AGBL4: variants seen among roughly 807,000 people sequenced by gnomAD.
The protein encoded by AGBL4 is AGBL carboxypeptidase 4.
In AGBL4, 58 loss-of-function variants were observed where a neutral mutation model predicts 66.4. The observed-to-expected ratio is 0.87, with a 90% CI of 0.71 to 1.09. The LOEUF (loss-of-function observed/expected upper bound fraction) is 1.09, where lower values mean the gene tolerates loss of function less well. Among genes scored for constraint, AGBL4 ranks in the 50% least tolerant of loss-of-function variants. The pLI is 0.00. For synonymous variants in AGBL4, 234 were observed against 222.9 expected (o/e 1.05, Z -0.44); for missense variants, 579 against 631.0 (o/e 0.92, Z 0.88).
intron 5 of AGBL4, among the ~76,000 whole-genome samples, chr1:48,942,989 A>G (rs930899121): frequency 6.6e-6 from 1 of 152,224 alleles, no homozygotes; most frequent in African/African-American, 2.4e-5. Flanking sequence ...ATTTTAAGCA[A>G]ATTATCTAAT....
At chr1:49,385,618 T>C (rs553507966) in intron 3 of AGBL4, among the ~76,000 whole-genome samples, 1 of 152,068 alleles carries the variant, frequency 6.6e-6, no homozygotes, top group Non-Finnish European at 1.5e-5. Context: ...TCTATCAACA[T>C]TTGAAGGAGT....
intron 4 of AGBL4, among the ~76,000 whole-genome samples, chr1:49,085,531 G>A (rs1557628231): frequency 6.6e-6 from 1 of 151,918 alleles, no homozygotes; most frequent in Non-Finnish European, 1.5e-5. Context: ...TGGACTACAA[G>A]CAGCTCATGT....
chr1:50,007,648 T>A (rs758400438), intron 1 of AGBL4, among the ~76,000 whole-genome samples: 9 of 152,002 alleles, frequency 5.9e-5, no homozygotes, highest in Non-Finnish European at 1.2e-4. Context: ...ATGCCTGTAA[T>A]CCCAGATACT....
Position 48,663,232 on chromosome 1 carries a change from C to A in AGBL4, c.644G>T (p.Arg215Leu). Residue 215 changes from arginine (R) to leucine (L), a missense_variant, in exon 7 of 14, where the codon CGG becomes CTG. By Grantham distance (102) the Arg-to-Leu change is moderately radical (BLOSUM62 -2). Coordinates refer to ENST00000371839, the MANE Select transcript of AGBL4 (RefSeq NM_032785.4). The part of the protein sequence containing the change: ...LLTITSPDNL[R>L]EGAEQKVVFI... The stretch of plus-strand genomic sequence containing the variant: ...TACCACCTTCTGCTCTGCCCCTTCC[C>A]GGAGATTGTCTGTAAGATAAAATGA... The A allele has an allele frequency of 6.2e-7, 1 of 1,613,766 alleles. No homozygotes were observed. The highest frequency in any genetic ancestry group is 8.5e-7 in the Non-Finnish European group (1 of 1,179,834).
intron 1 of AGBL4, among the ~76,000 whole-genome samples, chr1:49,873,738 GA>G (rs199536747): frequency 0.015 from 2,311 of 152,098 alleles, 27 homozygotes; most frequent in Non-Finnish European, 0.024. Context: ...CATCTTTGGA[GA>G]AAGGCACAGA....
At chr1:48,918,996 T>C (rs1466067770) in intron 5 of AGBL4, among the ~76,000 whole-genome samples, 1 of 152,128 alleles carries the variant, frequency 6.6e-6, no homozygotes, top group East Asian at 1.9e-4. Flanking sequence ...TACAAAAAGA[T>C]CAAGGAGCTG....
At chr1:49,009,365 C>T (rs1481961554) in intron 5 of AGBL4, among the ~76,000 whole-genome samples, 1 of 151,496 alleles carries the variant, frequency 6.6e-6, no homozygotes, top group Non-Finnish European at 1.5e-5. Context: ...ATAACAGGAG[C>T]TGAAATTGTG....
At chr1:49,954,066 C>CT (rs1021340308) in intron 1 of AGBL4, among the ~76,000 whole-genome samples, 9 of 151,312 alleles carry the variant, frequency 5.9e-5, no homozygotes, top group African/African-American at 1.7e-4. Context: ...GCTAATTTTT[C>CT]TTTTTTTTGG....
At chr1:48,542,346 G>T (rs189812785) in intron 11 of AGBL4, among the ~76,000 whole-genome samples, 1 of 152,058 alleles carries the variant, frequency 6.6e-6, no homozygotes, top group East Asian at 1.9e-4. Context: ...TAATCCTTTG[G>T]GTATAAACCC....
intron 1 of AGBL4, among the ~76,000 whole-genome samples, chr1:49,937,656 C>T (rs553266659): frequency 9.2e-5 from 14 of 152,184 alleles, no homozygotes; most frequent in African/African-American, 2.6e-4. Flanking sequence ...GACCACAGTG[C>T]GATCAAACTA....
At chr1:49,578,524 C>T (rs1274690970) in intron 3 of AGBL4, among the ~76,000 whole-genome samples, 1 of 152,216 alleles carries the variant, frequency 6.6e-6, no homozygotes, top group Non-Finnish European at 1.5e-5. Flanking sequence ...CTGTAATTGT[C>T]ATGAGTATTT....
At chr1:49,063,073 T>C (rs992352673) in intron 4 of AGBL4, among the ~76,000 whole-genome samples, 20 of 152,320 alleles carry the variant, frequency 1.3e-4, no homozygotes, top group African/African-American at 3.6e-4. Context: ...AATTAACTCA[T>C]CTACCAGCCT....
intron 3 of AGBL4, among the ~76,000 whole-genome samples, chr1:49,395,182 G>A (rs933350321): frequency 6.6e-6 from 1 of 152,094 alleles, no homozygotes; most frequent in African/African-American, 2.4e-5. Flanking sequence ...CACATTAAGG[G>A]GTCATTAATA....
intron 3 of AGBL4, among the ~76,000 whole-genome samples, chr1:49,337,565 G>A (rs1003127891): frequency 6.6e-6 from 1 of 152,148 alleles, no homozygotes; most frequent in Non-Finnish European, 1.5e-5. Context: ...AAACACTTGT[G>A]TGCACAGTAA....
intron 3 of AGBL4, among the ~76,000 whole-genome samples, chr1:49,644,432 A>G (rs755655893): frequency 5.3e-4 from 80 of 151,672 alleles, no homozygotes; most frequent in Non-Finnish European, 5.5e-4. Context: ...GCAACTACAC[A>G]GAAAGGTTAA....
chr1:49,583,544 A>C (rs1228380664), intron 3 of AGBL4, among the ~76,000 whole-genome samples: 1 of 152,108 alleles, frequency 6.6e-6, no homozygotes, highest in Non-Finnish European at 1.5e-5. Context: ...TGGGATTAGC[A>C]TCAGAAATGG....
chr1:49,457,402 C>T (rs1410396487), intron 3 of AGBL4, among the ~76,000 whole-genome samples: 1 of 150,742 alleles, frequency 6.6e-6, no homozygotes, highest in African/African-American at 2.4e-5. Flanking sequence ...ATTATCTCAG[C>T]CCAGATTGTT....
At chr1:49,333,176 T>C (rs951081787) in intron 3 of AGBL4, among the ~76,000 whole-genome samples, 4 of 151,106 alleles carry the variant, frequency 2.6e-5, no homozygotes, top group African/African-American at 9.7e-5. Context: ...ACTTAAAGTA[T>C]AATAATAATA....
intron 2 of AGBL4, among the ~76,000 whole-genome samples, chr1:49,761,169 T>G (rs1652282608): frequency 6.6e-6 from 1 of 152,056 alleles, no homozygotes; most frequent in Admixed American, 6.5e-5. Context: ...AAAAAATGGT[T>G]AATTTTCTGT....
Sources: allele counts gnomAD v4.1 joint callset (sites outside exome capture counted in the v4.1 genomes callset), GRCh38; gene constraint gnomAD v4.1.1; transcripts MANE v1.5; gene names NCBI Gene and HGNC (gene_info 2026-07-23, HGNC 2026-07-21).